The following TGFBR3 variants were observed in gnomAD, a reference collection of about 807,000 sequenced individuals.
TGFBR3 encodes the protein transforming growth factor beta receptor type 3.
TGFBR3 carries 46 observed loss-of-function variants against 87.9 expected under a neutral mutation model. The ratio of observed to expected loss-of-function variants is 0.52; its 90% CI spans 0.41 to 0.67. The LOEUF is 0.67. Ranked by LOEUF, TGFBR3 falls within the 30% of genes least tolerant of loss-of-function variation. The pLI is 0.00. For missense variants in TGFBR3, 866 were observed against 1,041.9 expected, an observed-to-expected ratio of 0.83 and a Z score of 2.32; for synonymous variants, 381 against 391.6, an observed-to-expected ratio of 0.97 and a Z score of 0.32.
chr1:91,881,862 GC>G (rs1679092454), intron 1 of TGFBR3, among the ~76,000 whole-genome samples: 1 of 151,750 alleles, frequency 6.6e-6, no homozygotes, highest in Admixed American at 6.6e-5. Context: ...ACACAGTGAA[GC>G]CCCGTCTCTA....
intron 1 of TGFBR3, among the ~76,000 whole-genome samples, chr1:91,882,379 C>T (rs1362281281): frequency 3.3e-5 from 5 of 151,622 alleles, no homozygotes; most frequent in Non-Finnish European, 7.4e-5. Context: ...TCAAGTGATC[C>T]ACCTGCCTCG....
intron 1 of TGFBR3, among the ~76,000 whole-genome samples, chr1:91,862,481 T>C (rs185918788): frequency 1.3e-5 from 2 of 152,340 alleles, no homozygotes; most frequent in Admixed American, 1.3e-4. Context: ...GTCTTCCCTG[T>C]CTCTCAGCCC....
At chr1:91,712,570 G>C (rs1293601344) in intron 12 of TGFBR3, 28 bp from the exon 13 acceptor site, 8 of 1,611,230 alleles carry the variant, frequency 5.0e-6, no homozygotes, top group African/African-American at 1.3e-5. Flanking sequence ...GATGAATTAG[G>C]AAATGAGTTA....
chr1:91,764,047 G>C (rs1325190820), intron 3 of TGFBR3, among the ~76,000 whole-genome samples: 1 of 151,372 alleles, frequency 6.6e-6, no homozygotes, highest in Non-Finnish European at 1.5e-5. Flanking sequence ...TAATCAGTTG[G>C]TGCTGAATTC....
intron 2 of TGFBR3, among the ~76,000 whole-genome samples, chr1:91,824,060 G>A (rs1357223782): frequency 1.3e-5 from 2 of 152,154 alleles, no homozygotes; most frequent in Non-Finnish European, 2.9e-5. Context: ...AGCCTGGGAG[G>A]TTGAGGGTGC....
At chr1:91,723,339 G>A (rs1259912426) in intron 7 of TGFBR3, among the ~76,000 whole-genome samples, 1 of 151,922 alleles carries the variant, frequency 6.6e-6, no homozygotes, top group Non-Finnish European at 1.5e-5. Context: ...AAATTAGCCA[G>A]GCATGGTGGC....
intron 4 of TGFBR3, among the ~76,000 whole-genome samples, chr1:91,746,308 C>A (rs1458318529): frequency 1.3e-5 from 2 of 152,206 alleles, no homozygotes; most frequent in African/African-American, 2.4e-5. Context: ...TAAGTCCCCA[C>A]AAGTTACCAA....
intron 14 of TGFBR3, among the ~76,000 whole-genome samples, chr1:91,704,346 A>G (rs1671723023): frequency 6.6e-6 from 1 of 151,258 alleles, no homozygotes; most frequent in African/African-American, 2.4e-5. Context: ...AAAAAAAAGA[A>G]AGAAAGAAAG....
chr1:91,695,752 G>A lies in TGFBR3; in HGVS notation c.2357C>T (p.Thr786Ile), dbSNP rs1290448981. 1 of 1,614,148 alleles carries A rather than the reference G, an allele frequency of 6.2e-7. No homozygotes were observed. The highest frequency in any genetic ancestry group is 8.5e-7 in the Non-Finnish European group (1 of 1,180,000). ...PPIFHGLDTLTVMGIAFAAFV... is the reference protein window; with the variant it reads ...PPIFHGLDTLIVMGIAFAAFV... ...GGCTGCAAACGCAATGCCCATCACGGTTAGGGTGTCCAGACCATGGAAAAT... is the reference window on the plus strand; with the variant it reads ...GGCTGCAAACGCAATGCCCATCACGATTAGGGTGTCCAGACCATGGAAAAT... Residue 786 changes from threonine (T) to isoleucine (I), a missense_variant, in exon 16 of 17, where the codon ACC (threonine) becomes ATC (isoleucine). Thr to Ile is a moderately conservative substitution (Grantham distance 89). Coordinates refer to ENST00000212355, the MANE Select transcript of TGFBR3 (RefSeq NM_003243.5).
chr1:91,901,693 T>C (rs1032733853), intron 1 of TGFBR3, among the ~76,000 whole-genome samples: 16 of 151,462 alleles, frequency 1.1e-4, no homozygotes, highest in Admixed American at 9.2e-4. Flanking sequence ...GGTGGGAGGA[T>C]AGCTTGAGAC....
At chr1:91,747,530 G>A (rs1021691775) in intron 4 of TGFBR3, among the ~76,000 whole-genome samples, 7 of 152,208 alleles carry the variant, frequency 4.6e-5, no homozygotes, top group Non-Finnish European at 7.3e-5. Flanking sequence ...TTAAAGCAAC[G>A]AAATAATTAC....
chr1:91,838,715 C>T (rs1249595848), intron 2 of TGFBR3, among the ~76,000 whole-genome samples: 1 of 151,884 alleles, frequency 6.6e-6, no homozygotes, highest in East Asian at 1.9e-4. Flanking sequence ...ATGATCCACC[C>T]GCCTCTGCCT....
chr1:91,840,742 A>G (rs1011057478), intron 2 of TGFBR3, among the ~76,000 whole-genome samples: 4 of 152,200 alleles, frequency 2.6e-5, no homozygotes, highest in African/African-American at 9.6e-5. Flanking sequence ...AACTTGTGTG[A>G]AAAACGAAAT....
At chr1:91,745,423 C>T (rs1006822043) in intron 4 of TGFBR3, among the ~76,000 whole-genome samples, 4 of 152,208 alleles carry the variant, frequency 2.6e-5, no homozygotes, top group African/African-American at 9.7e-5. Context: ...GGAAAAGACA[C>T]ACGGTAAAGG....
chr1:91,861,639 A>G lies in TGFBR3; in HGVS notation c.-108T>C, dbSNP rs1283267872. 1 of 825,768 alleles carries G rather than the reference A, an allele frequency of 1.2e-6. No individual in the cohort carries two copies. The highest frequency in any genetic ancestry group is 1.7e-5 in the African/African-American group (1 of 58,992). 51.2% of individuals were successfully genotyped at this position (825,768 alleles called of 1,614,324 possible). The stretch of plus-strand genomic sequence containing the variant: ...TTAAAGTCCCTCCTTGCAATTTTCA[A>G]ACTGCCTGTAAAACAAATTTCAATA... On this transcript the variant is annotated 5_prime_UTR_variant, in exon 2 of 17. Coordinates refer to ENST00000212355, the MANE Select transcript of TGFBR3 (RefSeq NM_003243.5).
At chr1:91,730,108 G>T in intron 5 of TGFBR3, 135 bp from the exon 6 acceptor site, 1 of 987,148 alleles carries the variant, frequency 1.0e-6, no homozygotes, top group South Asian at 1.4e-5. Context: ...TTCTTCGTCT[G>T]TGAAGTCCGC....
At chr1:91,812,075 C>T (rs1354655847) in intron 2 of TGFBR3, among the ~76,000 whole-genome samples, 2 of 152,296 alleles carry the variant, frequency 1.3e-5, no homozygotes, top group African/African-American at 4.8e-5. Context: ...ACCTTTCTCC[C>T]ATGGAGACAG....
intron 4 of TGFBR3, among the ~76,000 whole-genome samples, chr1:91,756,280 A>C (rs887839409): frequency 6.6e-6 from 1 of 152,198 alleles, no homozygotes; most frequent in Non-Finnish European, 1.5e-5. Context: ...TATGAGGGCT[A>C]AATGTGCATA....
intron 3 of TGFBR3, among the ~76,000 whole-genome samples, chr1:91,789,810 G>A (rs1283334915): frequency 6.6e-6 from 1 of 152,192 alleles, no homozygotes; most frequent in Admixed American, 6.5e-5. Context: ...GCTAGCAGAT[G>A]CATTGCCTTG....
Sources: gnomAD v4.1 joint callset for allele counts (sites outside exome capture counted in the v4.1 genomes callset) on GRCh38, gnomAD v4.1.1 for gene constraint, MANE v1.5 for transcripts, NCBI Gene and HGNC (gene_info 2026-07-23, HGNC 2026-07-21) for gene names.